CALN1: variants seen among roughly 807,000 people sequenced by gnomAD.
The protein encoded by CALN1 is calcium-binding protein 8.
CALN1 carries 17 observed loss-of-function variants against 30.6 expected under a neutral mutation model. The observed-to-expected ratio is 0.56, with a 90% CI of 0.38 to 0.83. CALN1 has a LOEUF of 0.83. Ranked by LOEUF, CALN1 falls within the 40% of genes least tolerant of loss-of-function variation. CALN1 has a pLI of 0.00. For missense variants in CALN1, 291 were observed against 354.9 expected (o/e 0.82, Z 1.45); for synonymous variants, 156 against 131.4 (o/e 1.19, Z -1.28).
chr7:71,945,721 A>G (rs1214743124), intron 5 of CALN1, among the ~76,000 whole-genome samples: 1 of 152,240 alleles, frequency 6.6e-6, no homozygotes, highest in Non-Finnish European at 1.5e-5. Context: ...GTCTAGCTGC[A>G]GGAAAACAGG....
chr7:72,499,990 C>A, the CALN1 span, among the ~76,000 whole-genome samples: 1 of 151,416 alleles, frequency 6.6e-6, no homozygotes, highest in Non-Finnish European at 1.5e-5. Context: ...TGGCTCACTA[C>A]AACCTCCGCC....
chr7:72,187,631 T>C (rs1790299223), intron 3 of CALN1, among the ~76,000 whole-genome samples: 2 of 152,154 alleles, frequency 1.3e-5, no homozygotes. Flanking sequence ...ATGGAAAAAT[T>C]GTCTTCCATG....
At chr7:72,129,354 G>C (rs1302275892) in intron 3 of CALN1, among the ~76,000 whole-genome samples, 7 of 152,136 alleles carry the variant, frequency 4.6e-5, no homozygotes, top group Non-Finnish European at 1.0e-4. Flanking sequence ...TTAACTCAAT[G>C]ATTCCACCTC....
chr7:72,287,179 A>C (rs1197878316), intron 2 of CALN1, among the ~76,000 whole-genome samples: 1 of 152,124 alleles, frequency 6.6e-6, no homozygotes, highest in Non-Finnish European at 1.5e-5. Flanking sequence ...AACATATTAC[A>C]CTGAAACCCT....
intron 5 of CALN1, among the ~76,000 whole-genome samples, chr7:71,869,990 C>T (rs1008864560): frequency 3.9e-5 from 6 of 152,090 alleles, no homozygotes; most frequent in East Asian, 3.9e-4. Context: ...ATTAGCACAT[C>T]GCAGGAAATC....
At chr7:71,981,998 G>A (rs1457548871) in intron 5 of CALN1, among the ~76,000 whole-genome samples, 2 of 152,166 alleles carry the variant, frequency 1.3e-5, no homozygotes, top group Non-Finnish European at 2.9e-5. Context: ...TCCCAGCCAG[G>A]CACGCTGCCT....
intron 3 of CALN1, among the ~76,000 whole-genome samples, chr7:72,210,579 C>A (rs1345008763): frequency 6.6e-6 from 1 of 152,060 alleles, no homozygotes; most frequent in African/African-American, 2.4e-5. Flanking sequence ...GGGGAGCAGG[C>A]ACCTTATTCA....
At chr7:72,133,116 C>G (rs1037258508) in intron 3 of CALN1, among the ~76,000 whole-genome samples, 4 of 151,920 alleles carry the variant, frequency 2.6e-5, no homozygotes, top group Non-Finnish European at 4.4e-5. Context: ...GACACCAGAC[C>G]CCGGTGCCAA....
chr7:72,306,146 A>G (rs1799634175), intron 2 of CALN1, among the ~76,000 whole-genome samples: 1 of 152,178 alleles, frequency 6.6e-6, no homozygotes, highest in Non-Finnish European at 1.5e-5. Flanking sequence ...ATAACATGAC[A>G]AGACAAGGAA....
At chr7:72,359,645 T>C (rs1264741495) in intron 2 of CALN1, among the ~76,000 whole-genome samples, 1 of 152,036 alleles carries the variant, frequency 6.6e-6, no homozygotes, top group Non-Finnish European at 1.5e-5. Context: ...GAAAACCTCA[T>C]ACAAACTCAA....
intron 2 of CALN1, among the ~76,000 whole-genome samples, chr7:72,324,563 TA>T (rs1250635061): frequency 6.6e-5 from 2 of 30,188 alleles, no homozygotes; most frequent in Non-Finnish European, 1.5e-4. Flanking sequence ...TGATGTAATT[TA>T]TTTATTTATT....
At chr7:71,906,944 C>T (rs1289220954) in intron 5 of CALN1, among the ~76,000 whole-genome samples, 1 of 152,142 alleles carries the variant, frequency 6.6e-6, no homozygotes, top group Non-Finnish European at 1.5e-5. Context: ...CTGTTTTACG[C>T]ATCTGGGCAT....
In CALN1 at chr7:72,072,877, A is replaced by G. The variant is rs900707905; in HGVS notation, c.388+33274T>C. The stretch of plus-strand genomic sequence containing the variant: ...TATGTTAAATATAATCCCCATGGTA[A>G]CTACAAAGAAAATAGACATAAAATA... On this transcript the variant is annotated intron_variant, in intron 4 of 6. Transcript: ENST00000395275. Among the ~76,000 whole-genome samples, 3 of 152,180 alleles carry G rather than the reference A, an allele frequency of 2.0e-5. No homozygotes were observed. The South Asian group carries it at 6.2e-4, about 32-fold the overall frequency.
chr7:72,478,366 A>T, the CALN1 span, among the ~76,000 whole-genome samples: 2 of 147,390 alleles, frequency 1.4e-5, no homozygotes, highest in Non-Finnish European at 1.5e-5. Flanking sequence ...TGTAATATAT[A>T]AATAAATATA....
intron 3 of CALN1, among the ~76,000 whole-genome samples, chr7:72,227,649 C>T (rs1406273571): frequency 1.3e-5 from 2 of 151,772 alleles, no homozygotes; most frequent in African/African-American, 4.9e-5. Flanking sequence ...ATGCTCACTA[C>T]CTGAGTGAGA....
intron 3 of CALN1, among the ~76,000 whole-genome samples, chr7:72,211,521 C>T (rs760699792): frequency 3.0e-4 from 45 of 152,054 alleles, no homozygotes; most frequent in Non-Finnish European, 7.4e-5. Context: ...TATCATAGTT[C>T]AGGGTACCCA....
At chr7:72,305,046 T>C (rs1320200942) in intron 2 of CALN1, among the ~76,000 whole-genome samples, 1 of 152,178 alleles carries the variant, frequency 6.6e-6, no homozygotes, top group South Asian at 2.1e-4. Flanking sequence ...CAGCCTCGCA[T>C]GTGACCTGCT....
intron 3 of CALN1, among the ~76,000 whole-genome samples, chr7:72,209,020 C>T (rs1792115925): frequency 6.2e-5 from 1 of 16,086 alleles, no homozygotes; most frequent in South Asian, 4.1e-3. Flanking sequence ...CTCTTTCCTT[C>T]CTTCCCTCCT....
rs1202937053 is a variant in CALN1 at position 72,403,308 on chromosome 7, C to T, written c.62G>A (p.Gly21Glu). The T allele has an allele frequency of 7.1e-6, 11 of 1,550,172 alleles. No individual in the cohort carries two copies. The highest frequency in any genetic ancestry group is 2.4e-5 in the South Asian group (2 of 84,066). Residue 21 changes from glycine to glutamate, a missense_variant, in exon 2 of 7, where the codon GGA becomes GAA. Around this residue, in one of 2 missense-constraint regions of CALN1, gnomAD observed 122 missense variants for 103.2 expected, o/e 1.18. Coordinates refer to ENST00000395275, the MANE Select transcript of CALN1 (RefSeq NM_031468.4). Reference sequence around the variant, plus strand: ...CGGCTCCTCTCCCCCTCCGAGGGCTCCTCCGTCCCCCTTTTTCTCATTCTC... The same window carrying T: ...CGGCTCCTCTCCCCCTCCGAGGGCTTCTCCGTCCCCCTTTTTCTCATTCTC... ...KPENEKKGDG[G>E]ALGGGEEPPR... is the part of the protein sequence containing the mutation.
Sources: allele counts gnomAD v4.1 joint callset (sites outside exome capture counted in the v4.1 genomes callset), GRCh38; gene constraint gnomAD v4.1.1; regional missense constraint gnomAD v4.1.1; transcripts MANE v1.5; gene names NCBI Gene and HGNC (gene_info 2026-07-23, HGNC 2026-07-21).